The following SLC39A10 variants were observed in gnomAD, a reference collection of about 807,000 sequenced individuals.
SLC39A10 encodes solute carrier family 39 member 10, also known as zinc transporter ZIP10.
SLC39A10 carries 13 observed loss-of-function variants against 65.1 expected under a neutral mutation model. The observed-to-expected ratio is 0.20, with a 90% CI of 0.13 to 0.32. The LOEUF is 0.32. SLC39A10 is among the 10% of genes least tolerant of loss of function. SLC39A10 has a pLI of 1.00. For synonymous variants in SLC39A10, 321 were observed against 342.2 expected (o/e 0.94, Z 0.68); for missense variants, 831 against 1,018.4 (o/e 0.82, Z 2.50).
intron 1 of SLC39A10, among the ~76,000 whole-genome samples, chr2:195,659,915 G>T (rs941258845): frequency 6.6e-6 from 1 of 151,918 alleles, no homozygotes; most frequent in African/African-American, 2.4e-5. Flanking sequence ...CTGGGCCTTT[G>T]GGGGGGATAC....
At chr2:195,726,916 G>C (rs908533669) in intron 8 of SLC39A10, among the ~76,000 whole-genome samples, 9 of 152,174 alleles carry the variant, frequency 5.9e-5, no homozygotes, top group Admixed American at 5.9e-4. Flanking sequence ...GTTTGTTCAT[G>C]TAGTAACTGA....
intron 3 of SLC39A10, among the ~76,000 whole-genome samples, chr2:195,696,318 T>G (rs1372687793): frequency 2.0e-5 from 1 of 50,998 alleles, no homozygotes; most frequent in Non-Finnish European, 4.6e-5. Flanking sequence ...TTTTTATTTC[T>G]GAAAAAAAAA....
chr2:195,712,308 C>A (rs537997730), intron 5 of SLC39A10, among the ~76,000 whole-genome samples: 1 of 152,170 alleles, frequency 6.6e-6, no homozygotes, highest in South Asian at 2.1e-4. Flanking sequence ...TTCTATTGAT[C>A]AAAACAAGTC....
chr2:195,715,170 G>GA (rs1299306096), intron 6 of SLC39A10, among the ~76,000 whole-genome samples: 3 of 152,028 alleles, frequency 2.0e-5, no homozygotes, highest in Non-Finnish European at 4.4e-5. Context: ...AATAAGTGAT[G>GA]AAAAAAGCAC....
chr2:195,728,263 G>C lies in SLC39A10; in HGVS notation c.2251G>C (p.Ala751Pro). The change falls in exon 9 of 10, where the codon GCT becomes CCT. Residue 751 changes from alanine (A) to proline (P), a missense_variant. Around this residue, in one of 4 missense-constraint regions of SLC39A10, gnomAD observed 120 missense variants for 203.9 expected, o/e 0.59. Coordinates refer to ENST00000359634, the MANE Select transcript of SLC39A10 (RefSeq NM_020342.3). This position sits in a 1 kb window ranked among gnomAD's most constrained non-coding sequence, Gnocchi z 4.4. Reference protein sequence around the residue: ...MAYIGMLIGTAVGQYANNITL... With the variant: ...MAYIGMLIGTPVGQYANNITL... ...TTACATAGGCATGCTCATAGGCACA[G>C]CTGTTGGTCAGTATGCCAATAACAT... The C allele has an allele frequency of 6.2e-7, 1 of 1,614,044 alleles. No homozygotes were observed. Among genetic ancestry groups the C allele is most frequent in the East Asian group, 2.2e-5 (1 of 44,870 alleles).
chr2:195,640,629 T>C lies in SLC39A10; in HGVS notation c.-12+34396T>C, dbSNP rs1380048985. On this transcript the variant is annotated intron_variant, in intron 2 of 2. Coordinates refer to the SLC39A10 transcript ENST00000458054. ...GAAAATGATTTGATTTTAGGTCTCA[T>C]TTAAATTCCTGCAAAGACTTGATCT... 2.6e-5 allele frequency among the ~76,000 whole-genome samples: 4 copies of C among 152,314 alleles called. No homozygotes were observed. The East Asian group carries it at 5.8e-4, about 22-fold the overall frequency.
chr2:195,632,488 A>T (rs533244624), intron 2 of SLC39A10, among the ~76,000 whole-genome samples: 207 of 150,544 alleles, frequency 1.4e-3, no homozygotes, highest in African/African-American at 4.5e-3. Context: ...TAGTAGAGAC[A>T]GGGTTTCACT....
intron 9 of SLC39A10, among the ~76,000 whole-genome samples, chr2:195,733,374 A>G (rs1248945640): frequency 6.6e-6 from 1 of 152,248 alleles, no homozygotes; most frequent in African/African-American, 2.4e-5. Flanking sequence ...GTTTGGGTGG[A>G]AAGAATGTAT....
At chr2:195,696,468 C>G (rs1412426140) in intron 3 of SLC39A10, among the ~76,000 whole-genome samples, 1 of 151,592 alleles carries the variant, frequency 6.6e-6, no homozygotes, top group African/African-American at 2.4e-5. Context: ...ACCCAAGGAC[C>G]AAAAATATTT....
rs1054625260 is a variant in SLC39A10 at position 195,735,753 on chromosome 2, CTTGGTG to C, written c.*717_*722del. 4.7e-5 allele frequency: 7 copies of C among 149,474 alleles called. No homozygotes were observed. Among genetic ancestry groups the C allele is most frequent in the African/African-American group, 1.7e-4 (7 of 40,432 alleles). 9.3% of individuals were successfully genotyped at this position (149,474 alleles called of 1,614,324 possible). Reference sequence around the variant, plus strand: ...AATGGTTCTTTGTATTATTATAATACTTGGTGTTGGGGTGTTCTTTCTGTTTTGTTT... The same window carrying C: ...AATGGTTCTTTGTATTATTATAATACTTGGGGTGTTCTTTCTGTTTTGTTT... On this transcript the variant is annotated 3_prime_UTR_variant, in exon 10 of 10. Coordinates refer to ENST00000359634, the MANE Select transcript of SLC39A10 (RefSeq NM_020342.3).
At chr2:195,659,725 C>T (rs1019268906) in intron 1 of SLC39A10, among the ~76,000 whole-genome samples, 3 of 152,172 alleles carry the variant, frequency 2.0e-5, no homozygotes, top group Non-Finnish European at 2.9e-5. Context: ...ACCCTACTCA[C>T]GGACTTAACT....
chr2:195,630,101 A>ATGTGTGTGTGTGTGTG (rs1181570098), intron 2 of SLC39A10, among the ~76,000 whole-genome samples: 1 of 81,322 alleles, frequency 1.2e-5, no homozygotes, highest in African/African-American at 6.2e-5. Flanking sequence ...AACTCATTTT[A>ATGTGTGTGTGTGTGTG]TATGTGTGTG....
At chr2:195,667,907 CAA>C (rs1689697593) in intron 1 of SLC39A10, among the ~76,000 whole-genome samples, 1 of 152,132 alleles carries the variant, frequency 6.6e-6, no homozygotes, top group Non-Finnish European at 1.5e-5. Flanking sequence ...GGAAAATTAA[CAA>C]ATATTTTACA....
chr2:195,722,116 A>G (rs1361454106), intron 8 of SLC39A10, among the ~76,000 whole-genome samples: 1 of 152,208 alleles, frequency 6.6e-6, no homozygotes. Flanking sequence ...TGCTTGGACC[A>G]GGAACCCCTA....
intron 2 of SLC39A10, among the ~76,000 whole-genome samples, chr2:195,642,848 G>C (rs960577409): frequency 2.0e-5 from 3 of 152,292 alleles, no homozygotes; most frequent in Non-Finnish European, 4.4e-5. Context: ...GAGATTGCCT[G>C]TGTGTATGGA....
intron 2 of SLC39A10, among the ~76,000 whole-genome samples, chr2:195,625,124 T>C (rs982546211): frequency 6.8e-6 from 1 of 146,558 alleles, no homozygotes; most frequent in African/African-American, 2.5e-5. Context: ...GGCTGAGGCA[T>C]GAGAATCGCT....
At chr2:195,650,294 AAAAAG>A (rs1689005611) in intron 2 of SLC39A10, among the ~76,000 whole-genome samples, 1 of 105,802 alleles carries the variant, frequency 9.5e-6, no homozygotes, top group Admixed American at 8.6e-5. Flanking sequence ...AAAAAAAAAA[AAAAAG>A]AAAAGAAAAA....
intron 2 of SLC39A10, among the ~76,000 whole-genome samples, chr2:195,647,446 A>G (rs1216587323): frequency 6.6e-6 from 1 of 151,706 alleles, no homozygotes; most frequent in Middle Eastern, 3.2e-3. Flanking sequence ...ACACACAACA[A>G]GATTGTGTGT....
At chr2:195,701,435 C>CTTTT (rs66525117) in intron 3 of SLC39A10, among the ~76,000 whole-genome samples, 7 of 5,496 alleles carry the variant, frequency 1.3e-3, no homozygotes, top group African/African-American at 4.3e-3. Context: ...TTCTGTGATT[C>CTTTT]TTTTTTTTTT....
Sources: gnomAD v4.1 joint callset for allele counts (sites outside exome capture counted in the v4.1 genomes callset) on GRCh38, gnomAD v4.1.1 for gene constraint, gnomAD v4.1.1 regional missense constraint, Gnocchi (gnomAD v3.1) non-coding constraint, MANE v1.5 for transcripts, NCBI Gene and HGNC (gene_info 2026-07-23, HGNC 2026-07-21) for gene names.